Variants in JAK1 observed in about 807,000 individuals in gnomAD.
The protein encoded by JAK1 is Janus kinase 1, also known as tyrosine-protein kinase JAK1.
Under a neutral mutation model 136.6 loss-of-function variants are expected in JAK1, and 16 were observed. The ratio of observed to expected loss-of-function variants is 0.12; its 90% CI spans 0.08 to 0.18. JAK1 has a LOEUF of 0.18. Ranked by LOEUF, JAK1 falls within the 10% of genes least tolerant of loss-of-function variation. The probability of loss-of-function intolerance (pLI) is 1.00; values close to 1 mark genes in which losing one functional copy is unlikely to be tolerated. For missense variants in JAK1, 859 were observed against 1,450.1 expected (o/e 0.59, Z 6.62); for synonymous variants, 492 against 519.5 (o/e 0.95, Z 0.72).
chr1:64,845,524 G>A lies in JAK1; in HGVS notation c.2104C>T (p.Leu702=), dbSNP rs1224579218. The change falls in exon 15 of 25, where the codon CTG becomes TTG. Residue 702 remains leucine (L), a synonymous_variant. Transcript: ENST00000342505. Reference sequence around the variant, plus strand: ...CAGGACATTCTCACCAAGTAGCTCAGGGCACTGGCCAGCTGTTTGGCAACT... The same window carrying A: ...CAGGACATTCTCACCAAGTAGCTCAAGGCACTGGCCAGCTGTTTGGCAACT... ...FKVAKQLASA[L]SYLEDKDLVH... The A allele has an allele frequency of 1.2e-6, 2 of 1,614,046 alleles. No individual in the cohort carries two copies. The highest frequency in any genetic ancestry group is 2.7e-5 in the African/African-American group (2 of 74,912).
At chr1:64,909,751 G>A (rs1645251256) in intron 1 of JAK1, among the ~76,000 whole-genome samples, 1 of 152,120 alleles carries the variant, frequency 6.6e-6, no homozygotes, top group Admixed American at 6.5e-5. Flanking sequence ...CTGAGCCTGG[G>A]AGGTCGAGGC....
chr1:64,933,587 G>A (rs1241824144), intron 1 of JAK1, among the ~76,000 whole-genome samples: 3 of 152,166 alleles, frequency 2.0e-5, no homozygotes, highest in African/African-American at 4.8e-5. Flanking sequence ...ATGGGCTGAC[G>A]CCTGCTCTTC....
chr1:64,938,688 C>T (rs1211758661), intron 1 of JAK1, among the ~76,000 whole-genome samples: 2 of 152,210 alleles, frequency 1.3e-5, no homozygotes, highest in Non-Finnish European at 2.9e-5. Context: ...CGTTCTCCAA[C>T]ACCAAACCAT....
chr1:64,872,913 CTCTTT>C (rs1216363598), intron 5 of JAK1, among the ~76,000 whole-genome samples: 10 of 152,234 alleles, frequency 6.6e-5, no homozygotes, highest in Non-Finnish European at 7.4e-5. Context: ...ATTCTACCTT[CTCTTT>C]TGTTTTTTTT....
intron 2 of JAK1, among the ~76,000 whole-genome samples, chr1:65,006,572 G>T (rs1347802810): frequency 1.3e-5 from 2 of 152,054 alleles, no homozygotes; most frequent in Admixed American, 1.3e-4. Flanking sequence ...TGAACACCTG[G>T]CCTCAAATAA....
intron 19 of JAK1, 111 bp from the exon 20 acceptor site, chr1:64,839,906 T>G: frequency 1.2e-6 from 1 of 845,124 alleles, no homozygotes; most frequent in Non-Finnish European, 1.8e-6. Context: ...GGGTTCTCGC[T>G]GTCTGGCCTT....
Position 64,845,894 on chromosome 1 carries a change from G to A in JAK1, c.1988-254C>T, listed in dbSNP as rs904500661. Among the ~76,000 whole-genome samples, 6 of 152,298 alleles carry A rather than the reference G, an allele frequency of 3.9e-5. No homozygotes were observed. The South Asian group carries it at 6.2e-4, about 16-fold the overall frequency. ...TCCCTCATCTGTAATAACAGATGGCGGCTAAATGTCACAAGGCCTGGAAAG... is the reference window on the plus strand; with the variant it reads ...TCCCTCATCTGTAATAACAGATGGCAGCTAAATGTCACAAGGCCTGGAAAG... On this transcript the variant is annotated intron_variant, in intron 14 of 24. Transcript: ENST00000342505.
chr1:64,840,735 G>C (rs1387231586), intron 19 of JAK1, among the ~76,000 whole-genome samples: 1 of 152,142 alleles, frequency 6.6e-6, no homozygotes, highest in Non-Finnish European at 1.5e-5. Context: ...AGGAGGCTGA[G>C]GCAGGAAGAT....
At chr1:64,940,368 G>A (rs984892485) in intron 1 of JAK1, among the ~76,000 whole-genome samples, 1 of 148,756 alleles carries the variant, frequency 6.7e-6, no homozygotes, top group Non-Finnish European at 1.5e-5. Context: ...CCAGGCTGGA[G>A]TGCAGTGGCA....
intron 1 of JAK1, among the ~76,000 whole-genome samples, chr1:64,959,960 T>C (rs1057333310): frequency 6.6e-5 from 10 of 152,206 alleles, no homozygotes; most frequent in African/African-American, 2.4e-4. Flanking sequence ...GGCATGGTGG[T>C]TCATGCCTAT....
chr1:64,880,242 A>G (rs310208), intron 3 of JAK1, among the ~76,000 whole-genome samples: 51,911 of 152,050 alleles, frequency 0.34, 9,404 homozygotes, highest in African/African-American at 0.45. Context: ...CTCAAGCAAT[A>G]TGAACAGTTA....
intron 2 of JAK1, among the ~76,000 whole-genome samples, chr1:64,989,029 T>TATATATATAA (rs1343047707): frequency 7.4e-6 from 1 of 135,144 alleles, no homozygotes; most frequent in African/African-American, 2.8e-5. Flanking sequence ...TATATATATA[T>TATATATATAA]AAAATACAGA....
intron 1 of JAK1, among the ~76,000 whole-genome samples, chr1:64,901,373 A>G (rs1326196933): frequency 1.3e-5 from 2 of 152,138 alleles, no homozygotes; most frequent in South Asian, 2.1e-4. Context: ...CTTATTTTCT[A>G]TTCTCTCCCA....
rs143938547 is a variant in JAK1, at chr1:64,922,848, G to A, written c.-77-36507C>T. Among the ~76,000 whole-genome samples the A allele has an allele frequency of 2.1e-3, 320 of 152,250 alleles. 1 individual carries two copies. Among genetic ancestry groups the A allele is most frequent in the Non-Finnish European group, 3.2e-3 (217 of 68,026 alleles). On this transcript the variant is annotated intron_variant, in intron 1 of 24. Transcript: ENST00000342505. ...AAACCTGAGTTTAAATCCTGGCTCT[G>A]CCACTTATGAGCTCTGTGTGGTCCT...
chr1:64,914,736 G>T (rs544721511), intron 1 of JAK1, among the ~76,000 whole-genome samples: 1 of 152,082 alleles, frequency 6.6e-6, no homozygotes, highest in Non-Finnish European at 1.5e-5. Flanking sequence ...GCTAATTTTT[G>T]TATTTTTAGT....
At chr1:64,910,362 T>C (rs1303694905) in intron 1 of JAK1, among the ~76,000 whole-genome samples, 4 of 152,124 alleles carry the variant, frequency 2.6e-5, no homozygotes, top group Non-Finnish European at 4.4e-5. Flanking sequence ...GGGAGAAACA[T>C]GATCAAATGC....
At position 65,040,953 on chromosome 1, in the gene JAK1, G is replaced by A. The variant is rs150468622; in HGVS notation, c.-78+3527C>T. Among the ~76,000 whole-genome samples, 4 of 152,152 alleles carry A rather than the reference G, an allele frequency of 2.6e-5. No homozygotes were observed. In the South Asian group the frequency reaches 8.3e-4, roughly 32 times the overall value. On this transcript the variant is annotated intron_variant, in intron 2 of 25. Transcript: ENST00000671954. ...ATATAGGACTTGGGGTCTGGGGAGG[G>A]CAGGGATATACAAAGATGTATATCA...
intron 2 of JAK1, among the ~76,000 whole-genome samples, chr1:65,002,160 C>T (rs975347772): frequency 9.2e-5 from 14 of 152,130 alleles, no homozygotes; most frequent in African/African-American, 3.4e-4. Flanking sequence ...CACGTATATA[C>T]GTATGTTTGT....
At chr1:64,925,322 C>T (rs182274310) in intron 1 of JAK1, among the ~76,000 whole-genome samples, 5 of 151,848 alleles carry the variant, frequency 3.3e-5, no homozygotes, top group Non-Finnish European at 5.9e-5. Context: ...GCAGAGGAAT[C>T]GCTTGAACCC....
Sources: gnomAD v4.1 joint callset for allele counts (sites outside exome capture counted in the v4.1 genomes callset) on GRCh38, gnomAD v4.1.1 for gene constraint, MANE v1.5 for transcripts, NCBI Gene and HGNC (gene_info 2026-07-23, HGNC 2026-07-21) for gene names.